The following SHROOM4 variants were observed in gnomAD, a reference collection of about 807,000 sequenced individuals.
SHROOM4 encodes the protein shroom family member 4, also known as protein Shroom4.
In SHROOM4, 17 loss-of-function variants were observed where a neutral mutation model predicts 80.3. That is an observed-to-expected ratio of 0.21 (90% CI 0.14 to 0.32). The LOEUF is 0.32. Ranked by LOEUF, SHROOM4 falls within the 10% of genes least tolerant of loss-of-function variation. The probability of loss-of-function intolerance (pLI) is 1.00; values close to 1 mark genes in which losing one functional copy is unlikely to be tolerated. For synonymous variants in SHROOM4, 400 were observed against 437.5 expected (o/e 0.91, Z 1.07); for missense variants, 993 against 1,140.3 (o/e 0.87, Z 1.86).
rs782361770 is a variant in SHROOM4, at chrX:50,813,937, C to T, written c.82G>A (p.Gly28Ser). The part of the protein sequence containing the change: ...GAPWGFTLKG[G>S]LEHCEPLTVS... ...GTGAGCGGCTCACAGTGTTCCAGAC[C>T]CCCCTTAAGGGTGAAGCCCCAGGGT... The change falls in exon 1 of 9, where the codon GGT becomes AGT. Residue 28 changes from glycine (G) to serine (S), a missense_variant. Gly to Ser is a moderately conservative substitution (Grantham distance 56). Coordinates refer to ENST00000376020, the MANE Select transcript of SHROOM4 (RefSeq NM_020717.5). The T allele has an allele frequency of 8.3e-7, 1 of 1,206,383 alleles. No individual in the cohort carries two copies. The highest frequency in any genetic ancestry group is 1.7e-5 in the African/African-American group (1 of 57,523).
chrX:50,607,370 T>C lies in SHROOM4; in HGVS notation c.3761+11A>G, dbSNP rs201666053. On this transcript the variant is annotated intron_variant, in intron 6 of 8. Coordinates refer to ENST00000376020, the MANE Select transcript of SHROOM4 (RefSeq NM_020717.5). ...CTCTTCAGAGACCTAGTATCTTTCA[T>C]ATGTACTTACTTGGCGGATTCAGTG... 1 of 1,208,428 alleles carries C rather than the reference T, an allele frequency of 8.3e-7. No individual in the cohort carries two copies. Among genetic ancestry groups the C allele is most frequent in the East Asian group, 3.0e-5 (1 of 33,704 alleles).
chrX:50,648,101 G>A (rs1181429071), intron 2 of SHROOM4, among the ~76,000 whole-genome samples: 1 of 111,849 alleles, frequency 8.9e-6, no homozygotes, highest in Non-Finnish European at 1.9e-5. Flanking sequence ...TGTGTGTGGG[G>A]GTCAACAGTA....
chrX:50,776,010 T>C (rs781867212), intron 1 of SHROOM4, among the ~76,000 whole-genome samples: 1 of 112,153 alleles, frequency 8.9e-6, no homozygotes, highest in African/African-American at 3.2e-5. Flanking sequence ...TTCCCTGAAA[T>C]TGCTGAGGGG....
intron 2 of SHROOM4, among the ~76,000 whole-genome samples, chrX:50,670,444 C>T (rs1408299670): frequency 9.0e-6 from 1 of 111,646 alleles, no homozygotes. Flanking sequence ...TGAACTCATC[C>T]ATTTTTATGG....
chrX:50,764,191 T>A (rs1230260737), intron 1 of SHROOM4, among the ~76,000 whole-genome samples: 1 of 111,200 alleles, frequency 9.0e-6, no homozygotes, highest in Non-Finnish European at 1.9e-5. Flanking sequence ...GTAGTCTGAT[T>A]CTACCTAAGT....
intron 2 of SHROOM4, among the ~76,000 whole-genome samples, chrX:50,644,734 C>T (rs782178228): frequency 4.0e-4 from 45 of 112,157 alleles, no homozygotes; most frequent in Admixed American, 1.9e-4. Context: ...CTTCCCCTTT[C>T]TTCCCTCTGT....
chrX:50,806,685 A>C (rs1602530461), intron 1 of SHROOM4, among the ~76,000 whole-genome samples: 1 of 112,331 alleles, frequency 8.9e-6, no homozygotes, highest in South Asian at 3.7e-4. Context: ...CGACATAACC[A>C]ATATAAAAAC....
At chrX:50,576,645 C>A in the SHROOM4 span, among the ~76,000 whole-genome samples, 27 of 110,241 alleles carry the variant, frequency 2.4e-4, no homozygotes, top group African/African-American at 8.9e-4. Context: ...TCTGTTTGTT[C>A]CCTCTGCTTT....
At chrX:50,666,704 T>C (rs1185951881) in intron 2 of SHROOM4, among the ~76,000 whole-genome samples, 1 of 112,143 alleles carries the variant, frequency 8.9e-6, no homozygotes, top group Non-Finnish European at 1.9e-5. Flanking sequence ...TTCCATTCTT[T>C]TGGAAGGGCC....
intron 1 of SHROOM4, among the ~76,000 whole-genome samples, chrX:50,807,020 T>C (rs1284838818): frequency 8.9e-6 from 1 of 112,413 alleles, no homozygotes; most frequent in Non-Finnish European, 1.9e-5. Flanking sequence ...ATGGATTAAA[T>C]AGGCTTCTCC....
chrX:50,748,774 G>T (rs1212701923), intron 1 of SHROOM4, among the ~76,000 whole-genome samples: 1 of 112,457 alleles, frequency 8.9e-6, no homozygotes, highest in Non-Finnish European at 1.9e-5. Context: ...CATCTCCAAA[G>T]AAATTATAGG....
intron 1 of SHROOM4, among the ~76,000 whole-genome samples, chrX:50,707,013 T>C (rs782102262): frequency 8.9e-6 from 1 of 112,227 alleles, no homozygotes; most frequent in Non-Finnish European, 1.9e-5. Context: ...CATCTGGGAA[T>C]TCAAAGTAAC....
At chrX:50,778,671 A>T (rs1267888830) in intron 1 of SHROOM4, among the ~76,000 whole-genome samples, 1 of 112,388 alleles carries the variant, frequency 8.9e-6, no homozygotes, top group Non-Finnish European at 1.9e-5. Flanking sequence ...AAAAGTATTA[A>T]CTTAAATCTT....
intron 5 of SHROOM4, among the ~76,000 whole-genome samples, chrX:50,624,613 C>CTTTTTTTTT (rs36097095): frequency 3.2e-5 from 3 of 92,431 alleles, no homozygotes; most frequent in East Asian, 3.6e-4. Context: ...ATCTTTTTAT[C>CTTTTTTTTT]TTTTTTTTTT....
At chrX:50,609,786 A>C (rs1485873409) in intron 5 of SHROOM4, among the ~76,000 whole-genome samples, 1 of 110,648 alleles carries the variant, frequency 9.0e-6, no homozygotes. Flanking sequence ...AGAAAATTAA[A>C]AAGACTATCA....
chrX:50,797,597 A>G (rs1175784142), intron 1 of SHROOM4, among the ~76,000 whole-genome samples: 1 of 111,820 alleles, frequency 8.9e-6, no homozygotes, highest in Non-Finnish European at 1.9e-5. Flanking sequence ...CCGCCTTTTC[A>G]TACTAACTAC....
At chrX:50,703,100 G>C (rs1434242813) in intron 1 of SHROOM4, among the ~76,000 whole-genome samples, 1 of 111,598 alleles carries the variant, frequency 9.0e-6, no homozygotes, top group Admixed American at 9.5e-5. Context: ...TCTGCTTTGA[G>C]ATAGTATTCA....
chrX:50,804,168 T>C (rs1203318240), intron 1 of SHROOM4, among the ~76,000 whole-genome samples: 1 of 111,680 alleles, frequency 9.0e-6, no homozygotes, highest in Non-Finnish European at 1.9e-5. Flanking sequence ...TAATATGAAA[T>C]AAATGATAAA....
Position 50,596,066 on chromosome X carries a change from T to G in SHROOM4, c.*629A>C. The G allele has an allele frequency of 3.0e-6, 1 of 329,903 alleles. No homozygotes were observed. The highest frequency in any genetic ancestry group is 2.6e-5 in the South Asian group (1 of 38,525). The allele number at this position is 329,903 out of a possible 1,213,427, so 27.2% of individuals were successfully genotyped here. Reference sequence around the variant, plus strand: ...AGGGCTAAGAGTAGGCCTCTTCCCCTGAACTTGCTGCTGGGAAAGGTAAGG... The same window carrying G: ...AGGGCTAAGAGTAGGCCTCTTCCCCGGAACTTGCTGCTGGGAAAGGTAAGG... On this transcript the variant is annotated 3_prime_UTR_variant, in exon 9 of 9. Transcript: ENST00000376020.
Sources: gnomAD v4.1 joint callset for allele counts (sites outside exome capture counted in the v4.1 genomes callset) on GRCh38, gnomAD v4.1.1 for gene constraint, MANE v1.5 for transcripts, NCBI Gene and HGNC (gene_info 2026-07-23, HGNC 2026-07-21) for gene names.